The following CWC22 variants were observed in gnomAD, a reference collection of about 807,000 sequenced individuals.
CWC22 encodes the protein pre-mRNA-splicing factor CWC22 homolog.
A neutral mutation model predicts 117.2 loss-of-function variants in CWC22; 53 were observed. That is an observed-to-expected ratio of 0.45 (90% confidence interval 0.36 to 0.57). CWC22 has a LOEUF of 0.57. CWC22 is among the 20% of genes least tolerant of loss of function. The pLI is 0.00. For synonymous variants in CWC22, 360 were observed against 355.6 expected (o/e 1.01, Z -0.14); for missense variants, 980 against 1,068.8 (o/e 0.92, Z 1.16).
intron 5 of CWC22, among the ~76,000 whole-genome samples, chr2:179,978,991 T>C (rs1034345764): frequency 3.9e-5 from 6 of 152,164 alleles, no homozygotes; most frequent in African/African-American, 4.8e-5. Context: ...CTTGGCCTCA[T>C]TGAGTTTCTT....
chr2:179,987,704 T>TTAATGGGCA (rs1687455706), intron 3 of CWC22, among the ~76,000 whole-genome samples: 1 of 152,212 alleles, frequency 6.6e-6, no homozygotes, highest in South Asian at 2.1e-4. Context: ...TAAATTATTT[T>TTAATGGGCA]TAATGGGCAT....
intron 5 of CWC22, among the ~76,000 whole-genome samples, chr2:179,978,899 T>C (rs1320461484): frequency 6.6e-6 from 1 of 152,194 alleles, no homozygotes; most frequent in Admixed American, 6.5e-5. Context: ...ACAATCTCTA[T>C]GTTGATGTAG....
intron 13 of CWC22, among the ~76,000 whole-genome samples, chr2:179,963,336 T>TG (rs1491313622): frequency 3.2e-4 from 1 of 3,090 alleles, no homozygotes; most frequent in Non-Finnish European, 3.8e-3. Flanking sequence ...TATTTAATAC[T>TG]TTTTTTTTTT....
At chr2:179,960,225 T>G (rs1686713490) in intron 13 of CWC22, among the ~76,000 whole-genome samples, 1 of 152,032 alleles carries the variant, frequency 6.6e-6, no homozygotes, top group Non-Finnish European at 1.5e-5. Context: ...GACTTGATAA[T>G]CCCATATTAC....
At chr2:179,992,112 C>T (rs1687583539) in intron 2 of CWC22, among the ~76,000 whole-genome samples, 1 of 152,188 alleles carries the variant, frequency 6.6e-6, no homozygotes, top group Non-Finnish European at 1.5e-5. Flanking sequence ...GTGTGTACAG[C>T]TGTAAGAGGA....
In CWC22 at chr2:179,954,455, G is replaced by A. The variant is rs76687961; in HGVS notation, c.1537-98C>T. On this transcript the variant is annotated intron_variant, in intron 15 of 19. Transcript: ENST00000410053. ...TACTGAATCAAAACTTTATTAATATGCTTTATATTTTCAAAGAGCATATAT... is the reference window on the plus strand; with the variant it reads ...TACTGAATCAAAACTTTATTAATATACTTTATATTTTCAAAGAGCATATAT... The A allele has an allele frequency of 2.9e-3, 2,105 of 717,070 alleles. 3 individuals are homozygous for A. The highest frequency in any genetic ancestry group is 3.8e-3 in the Non-Finnish European group (1,728 of 454,806). 44.4% of individuals were successfully genotyped at this position (717,070 alleles called of 1,614,324 possible).
At position 179,993,382 on chromosome 2, in the gene CWC22, A is replaced by C. The variant is rs963436511; in HGVS notation, c.-41T>G. ...GGTCCAATAAATCAAAGATGCTTCA[A>C]ACTGGTCCAAATAACAAGTACCCAA... On this transcript the variant is annotated 5_prime_UTR_variant, in exon 2 of 20. Coordinates refer to ENST00000410053, the MANE Select transcript of CWC22 (RefSeq NM_020943.3). 1 of 1,476,950 alleles carries C rather than the reference A, an allele frequency of 6.8e-7. No individual in the cohort carries two copies. The highest frequency in any genetic ancestry group is 1.4e-5 in the African/African-American group (1 of 71,944). 91.5% of individuals were successfully genotyped at this position (1,476,950 alleles called of 1,614,324 possible). A position where few individuals can be genotyped will look rare whatever the true frequency, so the allele number is the denominator to read the frequency against.
intron 1 of CWC22, among the ~76,000 whole-genome samples, chr2:180,002,401 G>A (rs1161886206): frequency 6.6e-6 from 1 of 152,198 alleles, no homozygotes; most frequent in Non-Finnish European, 1.5e-5. Flanking sequence ...GCTGAGAAAA[G>A]CTGGGTGCAG....
intron 14 of CWC22, among the ~76,000 whole-genome samples, chr2:179,955,683 T>G (rs918889601): frequency 2.6e-5 from 4 of 152,020 alleles, no homozygotes; most frequent in Non-Finnish European, 4.4e-5. Context: ...TTATTCCAAT[T>G]AGCTATTCAG....
intron 15 of CWC22, among the ~76,000 whole-genome samples, chr2:179,954,589 CAT>C (rs1343271291): frequency 6.6e-6 from 1 of 152,020 alleles, no homozygotes; most frequent in Non-Finnish European, 1.5e-5. Flanking sequence ...TAGGTGATCA[CAT>C]GAGGGTAGAG....
At chr2:180,000,437 A>G (rs1468417475) in intron 1 of CWC22, among the ~76,000 whole-genome samples, 1 of 152,226 alleles carries the variant, frequency 6.6e-6, no homozygotes, top group Admixed American at 6.5e-5. Context: ...AGAAATATTA[A>G]TGTGTTTTGA....
chr2:179,986,915 C>A, intron 3 of CWC22, 110 bp from the exon 4 acceptor site: 1 of 537,356 alleles, frequency 1.9e-6, no homozygotes, highest in Non-Finnish European at 3.2e-6. Flanking sequence ...TGAACAACAT[C>A]GTGTCAAACT....
At chr2:179,964,975 C>G (rs1267584528) in intron 12 of CWC22, among the ~76,000 whole-genome samples, 1 of 152,080 alleles carries the variant, frequency 6.6e-6, no homozygotes, top group Admixed American at 6.5e-5. Context: ...TTTAGACGCA[C>G]TGTATAACTC....
chr2:180,003,658 A>G (rs1687899128), intron 1 of CWC22, among the ~76,000 whole-genome samples: 1 of 152,164 alleles, frequency 6.6e-6, no homozygotes, highest in Admixed American at 6.5e-5. Flanking sequence ...TATCCTGACA[A>G]ACTATTTCAG....
intron 4 of CWC22, among the ~76,000 whole-genome samples, chr2:179,985,066 G>A (rs1687384271): frequency 6.6e-6 from 1 of 151,962 alleles, no homozygotes; most frequent in Admixed American, 6.6e-5. Flanking sequence ...TCATCTTATA[G>A]ATAAGGAAAC....
chr2:179,990,697 G>A (rs1232213504), intron 2 of CWC22, among the ~76,000 whole-genome samples: 1 of 152,072 alleles, frequency 6.6e-6, no homozygotes, highest in African/African-American at 2.4e-5. Flanking sequence ...TAAGGAGAAG[G>A]CCCCAATTCT....
At chr2:180,000,945 A>C (rs1687831725) in intron 1 of CWC22, among the ~76,000 whole-genome samples, 1 of 152,198 alleles carries the variant, frequency 6.6e-6, no homozygotes, top group Non-Finnish European at 1.5e-5. Context: ...AGTCTATTTT[A>C]GGCTGTTTAA....
At position 179,952,560 on chromosome 2, in the gene CWC22, T is replaced by C. The variant is rs765644778; in HGVS notation, c.1728A>G (p.Thr576=). The change falls in exon 17 of 20, where the codon ACA becomes ACG. Residue 576 remains threonine (T), a synonymous_variant. Coordinates refer to ENST00000410053, the MANE Select transcript of CWC22 (RefSeq NM_020943.3). ...TTTTGACAAAAATTCTACTGGATGA[T>C]GTAGTGGTTTCTTCACTCAGTTTTA... The part of the protein sequence containing the change: ...ECIKLSEETT[T]SSSRIFVKIF... 1.4e-5 allele frequency: 22 copies of C among 1,519,612 alleles called. No individual in the cohort carries two copies. Among genetic ancestry groups the C allele is most frequent in the Non-Finnish European group, 1.9e-5 (21 of 1,122,160 alleles). The allele number at this position is 1,519,612 out of a possible 1,614,324, so 94.1% of individuals were successfully genotyped here. A position where few individuals can be genotyped will look rare whatever the true frequency, so the allele number is the denominator to read the frequency against.
chr2:179,967,414 G>C (rs532514492), intron 11 of CWC22, among the ~76,000 whole-genome samples: 1 of 152,118 alleles, frequency 6.6e-6, no homozygotes, highest in Non-Finnish European at 1.5e-5. Context: ...GGAGTCCATC[G>C]GGGATCACTG....
Sources: allele counts gnomAD v4.1 joint callset (sites outside exome capture counted in the v4.1 genomes callset), GRCh38; gene constraint gnomAD v4.1.1; transcripts MANE v1.5; gene names NCBI Gene and HGNC (gene_info 2026-07-23, HGNC 2026-07-21).